The following RBFOX1 variants were observed in gnomAD, a reference collection of about 807,000 sequenced individuals.
The protein encoded by RBFOX1 is RNA binding protein fox-1 homolog 1.
In RBFOX1, 8 loss-of-function variants were observed where a neutral mutation model predicts 57.7. The observed-to-expected ratio is 0.14, with a 90% CI of 0.08 to 0.25. The LOEUF (loss-of-function observed/expected upper bound fraction) is 0.25, where lower values mean the gene tolerates loss of function less well. Ranked by LOEUF, RBFOX1 falls within the 10% of genes least tolerant of loss-of-function variation. RBFOX1 has a pLI of 1.00. For missense variants in RBFOX1, 611 were observed against 548.5 expected (o/e 1.11, Z -1.14); for synonymous variants, 326 against 222.4 (o/e 1.47, Z -4.15).
At chr16:7,471,811 G>A (rs1388117119) in intron 4 of RBFOX1, among the ~76,000 whole-genome samples, 1 of 152,172 alleles carries the variant, frequency 6.6e-6, no homozygotes, top group East Asian at 1.9e-4. Flanking sequence ...TCTACTGTCT[G>A]GGAGCTCCAG....
chr16:5,310,777 G>A (rs909171045), intron 1 of RBFOX1, among the ~76,000 whole-genome samples: 6 of 152,086 alleles, frequency 3.9e-5, no homozygotes, highest in Non-Finnish European at 5.9e-5. Flanking sequence ...AAAAATACTG[G>A]GGTTTGCATT....
intron 3 of RBFOX1, among the ~76,000 whole-genome samples, chr16:6,910,553 G>A (rs150911626): frequency 3.5e-4 from 54 of 152,206 alleles, no homozygotes; most frequent in African/African-American, 1.0e-3. Flanking sequence ...AGTCCAAAAC[G>A]GCCCCTATTG....
intron 1 of RBFOX1, among the ~76,000 whole-genome samples, chr16:6,028,681 TA>T (rs1047904309): frequency 5.3e-5 from 8 of 151,132 alleles, no homozygotes; most frequent in East Asian, 3.9e-4. Context: ...ACCCTATCTG[TA>T]AAAAAAAAGA....
At chr16:6,710,596 A>G (rs1441709154) in intron 3 of RBFOX1, among the ~76,000 whole-genome samples, 1 of 152,238 alleles carries the variant, frequency 6.6e-6, no homozygotes, top group Non-Finnish European at 1.5e-5. Context: ...ACCATTTGCA[A>G]CTGAAAGAAG....
intron 2 of RBFOX1, among the ~76,000 whole-genome samples, chr16:5,561,588 G>C (rs775868167): frequency 6.6e-6 from 1 of 152,184 alleles, no homozygotes; most frequent in African/African-American, 2.4e-5. Flanking sequence ...AAGGGGTGAC[G>C]ATATAAGGTT....
chr16:5,774,118 G>A (rs149181448), intron 3 of RBFOX1, among the ~76,000 whole-genome samples: 7 of 152,230 alleles, frequency 4.6e-5, no homozygotes, highest in East Asian at 3.9e-4. Flanking sequence ...GCCCTTTCAC[G>A]TGCATCATGA....
At chr16:5,467,382 C>T (rs1165535937) in intron 2 of RBFOX1, 2 of 851,866 alleles carry the variant, frequency 2.3e-6, no homozygotes, top group Middle Eastern at 2.3e-4. Flanking sequence ...TCAACCACAG[C>T]ACAGTTCATC....
chr16:7,144,421 T>TTTTTA (rs2074502515), intron 4 of RBFOX1, among the ~76,000 whole-genome samples: 3 of 137,076 alleles, frequency 2.2e-5, no homozygotes, highest in Non-Finnish European at 4.7e-5. Flanking sequence ...TTTCTTCTTT[T>TTTTTA]TTTTTTTTTT....
intron 4 of RBFOX1, among the ~76,000 whole-genome samples, chr16:7,504,727 ATATATATATATATATATATATATATATT>A (rs2072283564): frequency 5.2e-4 from 3 of 5,754 alleles, no homozygotes; most frequent in Non-Finnish European, 1.1e-3. Context: ...ATATATATAT[ATATATATATATATATATATATATATATT>A]TATATATATA....
At chr16:6,088,199 A>AT (rs564732424) in intron 1 of RBFOX1, among the ~76,000 whole-genome samples, 173 of 145,714 alleles carry the variant, frequency 1.2e-3, no homozygotes, top group Middle Eastern at 3.5e-3. Context: ...TTTTTCTTTC[A>AT]TTTTTTTTTT....
At chr16:6,680,861 C>T (rs996370062) in intron 3 of RBFOX1, among the ~76,000 whole-genome samples, 5 of 152,308 alleles carry the variant, frequency 3.3e-5, no homozygotes, top group Admixed American at 6.5e-5. Context: ...GTACCTTTCA[C>T]TGTTTCAGCT....
intron 4 of RBFOX1, among the ~76,000 whole-genome samples, chr16:7,191,026 G>T (rs987465545): frequency 6.6e-6 from 1 of 151,952 alleles, no homozygotes; most frequent in Non-Finnish European, 1.5e-5. Flanking sequence ...CCCACATAGT[G>T]TCTAGATGAT....
At chr16:6,188,119 G>A (rs1345779019) in intron 1 of RBFOX1, among the ~76,000 whole-genome samples, 1 of 152,032 alleles carries the variant, frequency 6.6e-6, no homozygotes, top group African/African-American at 2.4e-5. Flanking sequence ...CTCTATATTT[G>A]TAAGTTTTGC....
intron 3 of RBFOX1, among the ~76,000 whole-genome samples, chr16:6,711,557 G>T (rs764941057): frequency 2.0e-4 from 30 of 152,306 alleles, no homozygotes; most frequent in Admixed American, 3.9e-4. Context: ...TGGCAGTTCT[G>T]CCCTCACTCT....
chr16:6,326,837 G>A (rs540504973), intron 2 of RBFOX1, among the ~76,000 whole-genome samples: 1 of 152,144 alleles, frequency 6.6e-6, no homozygotes, highest in Non-Finnish European at 1.5e-5. Context: ...AGAGCAGATG[G>A]CCCGAGAGCA....
At chr16:5,884,606 TA>T (rs1437519419) in intron 4 of RBFOX1, among the ~76,000 whole-genome samples, 2 of 152,122 alleles carry the variant, frequency 1.3e-5, no homozygotes, top group Non-Finnish European at 2.9e-5. Flanking sequence ...AACGTAGCCA[TA>T]AGCCTTTCCC....
chr16:6,852,147 T>G (rs8057091), intron 3 of RBFOX1, among the ~76,000 whole-genome samples: 2 of 151,792 alleles, frequency 1.3e-5, no homozygotes, highest in Non-Finnish European at 2.9e-5. Flanking sequence ...TTTGGTGATC[T>G]GATGTCTGAA....
chr16:5,646,703 C>G (rs2049065392), intron 3 of RBFOX1, among the ~76,000 whole-genome samples: 1 of 152,050 alleles, frequency 6.6e-6, no homozygotes, highest in Non-Finnish European at 1.5e-5. Context: ...GGCGTGATCT[C>G]TGCTCACTGC....
At chr16:7,003,390 G>C (rs957347022) in intron 3 of RBFOX1, among the ~76,000 whole-genome samples, 1 of 151,920 alleles carries the variant, frequency 6.6e-6, no homozygotes, top group African/African-American at 2.4e-5. Context: ...GACCTGGGAG[G>C]CGGAGGTTGC....
Sources: allele counts gnomAD v4.1 joint callset (sites outside exome capture counted in the v4.1 genomes callset), GRCh38; gene constraint gnomAD v4.1.1; transcripts MANE v1.5; gene names NCBI Gene and HGNC (gene_info 2026-07-23, HGNC 2026-07-21).